The following EEFSEC variants were observed in gnomAD, a reference collection of about 807,000 sequenced individuals.
EEFSEC encodes the protein selenocysteine-specific elongation factor.
Under a neutral mutation model 42.1 loss-of-function variants are expected in EEFSEC, and 43 were observed. The observed-to-expected ratio is 1.02, with a 90% CI of 0.80 to 1.32. The LOEUF is 1.32. Ranked by LOEUF, EEFSEC falls within the 40% of genes most tolerant of loss-of-function variation. The pLI is 0.00. For missense variants in EEFSEC, 745 were observed against 803.6 expected (o/e 0.93, Z 0.88); for synonymous variants, 354 against 339.1 (o/e 1.04, Z -0.48).
chr3:128,392,843 C>T (rs2067931825), intron 6 of EEFSEC, among the ~76,000 whole-genome samples: 1 of 152,244 alleles, frequency 6.6e-6, no homozygotes, highest in Non-Finnish European at 1.5e-5. Context: ...CTCCACGTGC[C>T]CTCGGGCTGG....
intron 3 of EEFSEC, among the ~76,000 whole-genome samples, chr3:128,263,259 A>G (rs1478861514): frequency 6.6e-6 from 1 of 152,226 alleles, no homozygotes; most frequent in East Asian, 1.9e-4. Context: ...GATGTTAAAT[A>G]ACTTGACCCA....
intron 1 of EEFSEC, among the ~76,000 whole-genome samples, chr3:128,170,618 A>G (rs1448796421): frequency 1.3e-5 from 2 of 152,238 alleles, no homozygotes; most frequent in African/African-American, 2.4e-5. Context: ...TCTCAGAAAG[A>G]AGGGCATGTT....
At chr3:128,385,822 G>A (rs2067831835) in intron 6 of EEFSEC, among the ~76,000 whole-genome samples, 1 of 152,222 alleles carries the variant, frequency 6.6e-6, no homozygotes, top group Admixed American at 6.5e-5. Context: ...GAGGCCTGGG[G>A]CACGACACTG....
intron 6 of EEFSEC, among the ~76,000 whole-genome samples, chr3:128,372,394 C>T (rs2067664330): frequency 6.6e-6 from 1 of 152,166 alleles, no homozygotes; most frequent in South Asian, 2.1e-4. Context: ...GGCCTAAAAC[C>T]CTGAAGCCTT....
the EEFSEC span, among the ~76,000 whole-genome samples, chr3:128,426,048 G>A: frequency 6.6e-6 from 1 of 152,314 alleles, no homozygotes; most frequent in African/African-American, 2.4e-5. Flanking sequence ...GTCATCCCCT[G>A]TTCAATCCTC....
chr3:128,358,593 G>A (rs2067487658), intron 6 of EEFSEC, among the ~76,000 whole-genome samples: 1 of 152,182 alleles, frequency 6.6e-6, no homozygotes, highest in Admixed American at 6.5e-5. Flanking sequence ...GTCTGAGCAG[G>A]GTCAAGATTG....
Position 128,317,562 on chromosome 3 carries a change from C to T in EEFSEC, c.787-23671C>T, listed in dbSNP as rs1033881256. 3.3e-5 allele frequency among the ~76,000 whole-genome samples: 5 copies of T among 152,224 alleles called. No individual in the cohort carries two copies. Among genetic ancestry groups the T allele is most frequent in the African/African-American group, 1.2e-4 (5 of 41,458 alleles). ...TTTTCCCCATCAGTCCTCTTTCCAC[C>T]CGGGCTACCACTGGAGTCGTTCTGA... On this transcript the variant is annotated intron_variant, in intron 4 of 6. Transcript: ENST00000254730. The surrounding 1 kb of genome is among the most constrained non-coding windows in gnomAD (Gnocchi z 4.1).
chr3:128,157,506 G>A (rs1480769861), intron 1 of EEFSEC, among the ~76,000 whole-genome samples: 1 of 152,208 alleles, frequency 6.6e-6, no homozygotes, highest in African/African-American at 2.4e-5. Flanking sequence ...AGGACAGGCT[G>A]ACTCTTGTTA....
At chr3:128,271,568 G>A (rs920108278) in intron 4 of EEFSEC, among the ~76,000 whole-genome samples, 1 of 152,216 alleles carries the variant, frequency 6.6e-6, no homozygotes, top group Admixed American at 6.5e-5. Flanking sequence ...AAGGAGAGAA[G>A]GCAGAGAAGG....
intron 4 of EEFSEC, among the ~76,000 whole-genome samples, chr3:128,332,857 T>C (rs190514336): frequency 3.9e-5 from 6 of 152,334 alleles, no homozygotes; most frequent in Non-Finnish European, 7.4e-5. Flanking sequence ...AAATGTCTTA[T>C]CTGTACCCAG....
At chr3:128,387,406 G>T (rs896209822) in intron 6 of EEFSEC, among the ~76,000 whole-genome samples, 18 of 152,192 alleles carry the variant, frequency 1.2e-4, no homozygotes, top group Non-Finnish European at 2.4e-4. Flanking sequence ...GGTGCTGTGT[G>T]GCAAGACACA....
At chr3:128,286,573 C>T (rs900359709) in intron 4 of EEFSEC, among the ~76,000 whole-genome samples, 1 of 152,206 alleles carries the variant, frequency 6.6e-6, no homozygotes, top group African/African-American at 2.4e-5. Context: ...GAGGCCAGCT[C>T]CTGTGTCCTC....
intron 6 of EEFSEC, among the ~76,000 whole-genome samples, chr3:128,392,847 G>A (rs1238063359): frequency 6.6e-6 from 1 of 152,208 alleles, no homozygotes; most frequent in Non-Finnish European, 1.5e-5. Flanking sequence ...ACGTGCCCTC[G>A]GGCTGGTGTG....
the EEFSEC span, among the ~76,000 whole-genome samples, chr3:128,425,556 T>A: frequency 6.6e-6 from 1 of 152,240 alleles, no homozygotes; most frequent in Non-Finnish European, 1.5e-5. Flanking sequence ...TGTGTTTTAC[T>A]GCCACGCGGT....
At chr3:128,368,325 C>T (rs561340536) in intron 6 of EEFSEC, among the ~76,000 whole-genome samples, 2 of 151,928 alleles carry the variant, frequency 1.3e-5, no homozygotes, top group South Asian at 2.1e-4. Flanking sequence ...CCCAGCTACT[C>T]GGGAGGCTGA....
chr3:128,394,812 G>C (rs899343827), intron 6 of EEFSEC, among the ~76,000 whole-genome samples: 1 of 152,192 alleles, frequency 6.6e-6, no homozygotes, highest in African/African-American at 2.4e-5. Flanking sequence ...GGCAGGCTGG[G>C]GTGAGTCCTA....
At chr3:128,182,622 A>G (rs2065420498) in intron 1 of EEFSEC, among the ~76,000 whole-genome samples, 4 of 152,152 alleles carry the variant, frequency 2.6e-5, no homozygotes, top group African/African-American at 9.7e-5. Flanking sequence ...GACTTGTGCT[A>G]TCTCGAACAG....
At chr3:128,275,642 C>T (rs1171802377) in intron 4 of EEFSEC, among the ~76,000 whole-genome samples, 1 of 152,184 alleles carries the variant, frequency 6.6e-6, no homozygotes, top group African/African-American at 2.4e-5. Flanking sequence ...GGGCTCCAAC[C>T]CTGCTTCCCA....
At chr3:128,168,363 A>G (rs2065262286) in intron 1 of EEFSEC, among the ~76,000 whole-genome samples, 1 of 152,164 alleles carries the variant, frequency 6.6e-6, no homozygotes, top group South Asian at 2.1e-4. Flanking sequence ...TTCCTCCTGA[A>G]TGTAAAATTC....
Sources: allele counts gnomAD v4.1 joint callset (sites outside exome capture counted in the v4.1 genomes callset), GRCh38; gene constraint gnomAD v4.1.1; non-coding constraint Gnocchi (gnomAD v3.1); transcripts MANE v1.5; gene names NCBI Gene and HGNC (gene_info 2026-07-23, HGNC 2026-07-21).